RELL2: variants seen among roughly 807,000 people sequenced by gnomAD.
RELL2 encodes RELT-like protein 2.
RELL2 carries 18 observed loss-of-function variants against 27.5 expected under a neutral mutation model. The ratio of observed to expected loss-of-function variants is 0.65; its 90% CI spans 0.45 to 0.97. The LOEUF (loss-of-function observed/expected upper bound fraction) is 0.97. Among genes scored for constraint, RELL2 ranks in the 50% least tolerant of loss-of-function variants. The pLI is 0.00. For missense variants in RELL2, 370 were observed against 397.5 expected (o/e 0.93, Z 0.59); for synonymous variants, 156 against 147.5 (o/e 1.06, Z -0.42).
chr5:141,640,558 GCTATAAATCC>G (rs1447289234), intron 6 of RELL2, 103 bp from the exon 7 acceptor site: 12 of 1,572,538 alleles, frequency 7.6e-6, no homozygotes, highest in Non-Finnish European at 1.0e-5. Context: ...CTTAGCCTTT[GCTATAAATCC>G]CTTGGTTTGG....
At position 141,640,943 on chromosome 5, in the gene RELL2, C is replaced by A. The variant is rs1371681045; in HGVS notation, c.*274C>A. The A allele has an allele frequency of 3.9e-6, 2 of 511,500 alleles. No individual in the cohort carries two copies. Among genetic ancestry groups the A allele is most frequent in the Non-Finnish European group, 3.4e-6 (1 of 290,436 alleles). The allele number at this position is 511,500 out of a possible 1,614,324, so 31.7% of individuals were successfully genotyped here. On this transcript the variant is annotated 3_prime_UTR_variant, in exon 7 of 7. Coordinates refer to ENST00000297164, the MANE Select transcript of RELL2 (RefSeq NM_173828.5). ...GTGGCAGCTGGGAGCAGGCCCCTGC[C>A]CGTGGTGGGCCCCTAAAGCAATAGC...
In RELL2 at chr5:141,639,574, T is replaced by C. The variant is rs766056651; in HGVS notation, c.428T>C (p.Leu143Pro). The C allele has an allele frequency of 6.8e-6, 11 of 1,613,848 alleles. No homozygotes were observed. In the East Asian group the frequency reaches 2.2e-4, roughly 33 times the overall value. The stretch of plus-strand genomic sequence containing the variant: ...TGCAGCCGCAGCAAGAGGCCTCCAC[T>C]TGTCCGTCAGGGACGCTCCAAGGAA... Reference protein sequence around the residue: ...LHCSRSKRPPLVRQGRSKEGK... With the variant: ...LHCSRSKRPPPVRQGRSKEGK... Residue 143 changes from leucine to proline, a missense_variant, in exon 4 of 7, where the codon CTT (leucine) becomes CCT (proline). Physicochemically the swap from Leu to Pro is moderately conservative, Grantham distance 98. Coordinates refer to ENST00000297164, the MANE Select transcript of RELL2 (RefSeq NM_173828.5). This position sits in a 1 kb window ranked among gnomAD's most constrained non-coding sequence, Gnocchi z 4.4.
In RELL2 at chr5:141,639,455, G is replaced by A; in HGVS notation, c.318-9G>A. ...TGTTACCCTCACTCCCCTCCTCCCTGCTGTCCAGTGTGGATGCCACCTCCA... is the reference window on the plus strand; with the variant it reads ...TGTTACCCTCACTCCCCTCCTCCCTACTGTCCAGTGTGGATGCCACCTCCA... On this transcript the variant is annotated splice_polypyrimidine_tract_variant and intron_variant, in intron 3 of 6. Transcript: ENST00000297164. This position sits in a 1 kb window ranked among gnomAD's most constrained non-coding sequence, Gnocchi z 4.4. 6.2e-7 allele frequency: 1 copy of A among 1,600,792 alleles called. No homozygotes were observed. Among genetic ancestry groups the A allele is most frequent in the South Asian group, 1.1e-5 (1 of 90,456 alleles).
In RELL2 at chr5:141,638,079, G is replaced by A. The variant is rs1341370772; in HGVS notation, c.-147G>A. On this transcript the variant is annotated 5_prime_UTR_variant, in exon 1 of 7. Transcript: ENST00000297164. The stretch of plus-strand genomic sequence containing the variant: ...CTGGCCCGGACAGCTCCCTGGTTGG[G>A]TAGGGGGTGGGGCCGGACCTCAGCC... 9.9e-5 allele frequency: 63 copies of A among 637,492 alleles called. No individual in the cohort carries two copies. The East Asian group carries it at 1.6e-3, about 16-fold the overall frequency. 39.5% of individuals were successfully genotyped at this position (637,492 alleles called of 1,614,324 possible). A position where few individuals can be genotyped will look rare whatever the true frequency, so the allele number is the denominator to read the frequency against.
rs1477486373 is a variant in RELL2 at position 141,639,495 on chromosome 5, G to A, written c.349G>A (p.Ala117Thr). 2 of 1,613,664 alleles carry A rather than the reference G, an allele frequency of 1.2e-6. No homozygotes were observed. The highest frequency in any genetic ancestry group is 3.3e-5 in the Admixed American group (2 of 59,974). ...VDATSSLQDG[A>T]PSHHHTVHLG... ...TGCCACCTCCAGCCTGCAGGACGGA[G>A]CCCCCTCCCATCATCACACAGTGCA... Residue 117 changes from alanine (A) to threonine (T), a missense_variant, in exon 4 of 7, where the codon GCC becomes ACC. Coordinates refer to ENST00000297164, the MANE Select transcript of RELL2 (RefSeq NM_173828.5). The surrounding 1 kb of genome is among the most constrained non-coding windows in gnomAD (Gnocchi z 4.4).
rs2099906539 is a variant in RELL2, at chr5:141,639,147, T to C, written c.317+126T>C. 6 of 776,718 alleles carry C rather than the reference T, an allele frequency of 7.7e-6. No homozygotes were observed. The highest frequency in any genetic ancestry group is 2.8e-5 in the Admixed American group (1 of 35,336). 48.1% of individuals were successfully genotyped at this position (776,718 alleles called of 1,614,324 possible). On this transcript the variant is annotated intron_variant, in intron 3 of 6. Transcript: ENST00000297164. The surrounding 1 kb of genome is among the most constrained non-coding windows in gnomAD (Gnocchi z 4.4). ...GGGAAGGGCAAAGCTGGCTAACTTA[T>C]AGGAAGAAAGTTGTTTTGTAGAAAT...
chr5:141,637,083 G>T lies in RELL2; in HGVS notation c.-1143G>T, dbSNP rs1034234788. On this transcript the variant is annotated 5_prime_UTR_variant, in exon 1 of 7. The change creates a premature stop within an existing upstream ORF in the 5' untranslated region. Transcript: ENST00000297164. Reference sequence around the variant, plus strand: ...CTCCGGCCGGGGGTCAGATCCTCGGGAAGCCGAGCCATCCCATCCAGCCGC... The same window carrying T: ...CTCCGGCCGGGGGTCAGATCCTCGGTAAGCCGAGCCATCCCATCCAGCCGC... 3.1e-6 allele frequency: 1 copy of T among 319,376 alleles called. No individual in the cohort carries two copies. The highest frequency in any genetic ancestry group is 2.2e-5 in the African/African-American group (1 of 45,908). The allele number at this position is 319,376 out of a possible 1,614,324, so 19.8% of individuals were successfully genotyped here. A position where few individuals can be genotyped will look rare whatever the true frequency, so the allele number is the denominator to read the frequency against.
rs918572126 is a variant in RELL2, at chr5:141,638,060, C to G, written c.-166C>G. 6.6e-6 allele frequency: 4 copies of G among 609,860 alleles called. No homozygotes were observed. The highest frequency in any genetic ancestry group is 3.7e-5 in the African/African-American group (2 of 54,234). 37.8% of individuals were successfully genotyped at this position (609,860 alleles called of 1,614,324 possible). Reference sequence around the variant, plus strand: ...GAAAGGCGAAACAGCACTCCTGGCCCGGACAGCTCCCTGGTTGGGTAGGGG... The same window carrying G: ...GAAAGGCGAAACAGCACTCCTGGCCGGGACAGCTCCCTGGTTGGGTAGGGG... On this transcript the variant is annotated 5_prime_UTR_variant, in exon 1 of 7. Transcript: ENST00000297164.
In RELL2 at chr5:141,640,831, C is replaced by CA. The variant is rs1328051045; in HGVS notation, c.*163dup. On this transcript the variant is annotated 3_prime_UTR_variant, in exon 7 of 7. Coordinates refer to ENST00000297164, the MANE Select transcript of RELL2 (RefSeq NM_173828.5). ...TCAGGCTGGGGGCCTCAGGAGAGGT[C>CA]ACAGCCCCTCAGTCTCTTCTCCTTC... The CA allele has an allele frequency of 1.5e-6, 1 of 663,518 alleles. No homozygotes were observed. Among genetic ancestry groups the CA allele is most frequent in the East Asian group, 2.7e-5 (1 of 36,418 alleles). The allele number at this position is 663,518 out of a possible 1,614,324, so 41.1% of individuals were successfully genotyped here. A position where few individuals can be genotyped will look rare whatever the true frequency, so the allele number is the denominator to read the frequency against.
Position 141,638,385 on chromosome 5 carries a change from C to T in RELL2, c.160C>T (p.Pro54Ser), listed in dbSNP as rs781022213. The part of the protein sequence containing the change: ...YRCRTSRGSE[P>S]DDAQLQPPED... ...CTGCCGCACGTCGAGGGGCTCTGAG[C>T]CTGACGATGCCCAGCTTCAGCCCCG... The change falls in exon 1 of 7, where the codon CCT becomes TCT. Residue 54 changes from proline (P) to serine (S), a missense_variant. Transcript: ENST00000297164. 59 of 1,611,828 alleles carry T rather than the reference C, an allele frequency of 3.7e-5. No individual in the cohort carries two copies. The highest frequency in any genetic ancestry group is 5.0e-5 in the Non-Finnish European group (59 of 1,179,562).
chr5:141,640,482 C>G (rs758379983), intron 6 of RELL2, 37 bp downstream of exon 6: 1 of 1,613,884 alleles, frequency 6.2e-7, no homozygotes, highest in Non-Finnish European at 8.5e-7. Flanking sequence ...GTAATCTCAT[C>G]TTCCCATCAC....
rs1287064001 is a variant in RELL2 at position 141,638,566 on chromosome 5, T to G, written c.184+157T>G. 2.6e-5 allele frequency among the ~76,000 whole-genome samples: 4 copies of G among 152,146 alleles called. No homozygotes were observed. The East Asian group carries it at 7.7e-4, about 29-fold the overall frequency. On this transcript the variant is annotated intron_variant, in intron 1 of 6. Coordinates refer to ENST00000297164, the MANE Select transcript of RELL2 (RefSeq NM_173828.5). ...GTTAGCAAGTGGGGTGACACCACTCTGAAAGCAAAACTAGAGAAAGCAGCA... is the reference window on the plus strand; with the variant it reads ...GTTAGCAAGTGGGGTGACACCACTCGGAAAGCAAAACTAGAGAAAGCAGCA...
intron 5 of RELL2, 36 bp from the exon 6 acceptor site, chr5:141,640,376 T>A: frequency 1.2e-6 from 2 of 1,614,154 alleles, no homozygotes; most frequent in South Asian, 2.2e-5. Flanking sequence ...GACCTACTCC[T>A]GGTCTCTCAT....
At position 141,640,298 on chromosome 5, in the gene RELL2, A is replaced by G. The variant is rs1277694297; in HGVS notation, c.879+3A>G. 6.2e-7 allele frequency: 1 copy of G among 1,613,790 alleles called. No homozygotes were observed. On this transcript the variant is annotated splice_donor_region_variant and intron_variant, in intron 5 of 6. Coordinates refer to ENST00000297164, the MANE Select transcript of RELL2 (RefSeq NM_173828.5). ...AACCAGACACTTCTGATCACCAGGTAGGAAAACACAGCCGGGACTGCACTG... is the reference window on the plus strand; with the variant it reads ...AACCAGACACTTCTGATCACCAGGTGGGAAAACACAGCCGGGACTGCACTG...
At chr5:141,640,542 T>C (rs2099906737) in intron 6 of RELL2, 97 bp downstream of exon 6, 1 of 1,593,056 alleles carries the variant, frequency 6.3e-7, no homozygotes, top group Non-Finnish European at 8.6e-7. Flanking sequence ...CCGAGTAAAC[T>C]GCAGGCTTAG....
Position 141,639,464 on chromosome 5 carries a change from T to G in RELL2, c.318T>G (p.Ser106Arg). 6.2e-7 allele frequency: 1 copy of G among 1,609,598 alleles called. No individual in the cohort carries two copies. Among genetic ancestry groups the G allele is most frequent in the Non-Finnish European group, 8.5e-7 (1 of 1,176,950 alleles). ...SEGEGTVQLS[S>R]VDATSSLQDG... The stretch of plus-strand genomic sequence containing the variant: ...CACTCCCCTCCTCCCTGCTGTCCAG[T>G]GTGGATGCCACCTCCAGCCTGCAGG... Residue 106 changes from serine (S) to arginine (R), a missense_variant and splice_region_variant, in exon 4 of 7, where the codon AGT (serine) becomes AGG (arginine). Physicochemically the swap from Ser to Arg is moderately radical, Grantham distance 110 (BLOSUM62 -1). Coordinates refer to ENST00000297164, the MANE Select transcript of RELL2 (RefSeq NM_173828.5). The surrounding 1 kb of genome is among the most constrained non-coding windows in gnomAD (Gnocchi z 4.4).
At position 141,637,741 on chromosome 5, in the gene RELL2, G is replaced by T. The variant is rs2099906271; in HGVS notation, c.-485G>T. 1 of 154,182 alleles carries T rather than the reference G, an allele frequency of 6.5e-6. No individual in the cohort carries two copies. Among genetic ancestry groups the T allele is most frequent in the Admixed American group, 6.4e-5 (1 of 15,518 alleles). The allele number at this position is 154,182 out of a possible 1,614,324, so 9.6% of individuals were successfully genotyped here. ...AAGCCGGAACCAGAACCAAATCACC[G>T]GTACCGGGTCGGCCAGGTGGTCAGG... On this transcript the variant is annotated 5_prime_UTR_variant, in exon 1 of 7. Coordinates refer to ENST00000297164, the MANE Select transcript of RELL2 (RefSeq NM_173828.5).
intron 2 of RELL2, 27 bp from the exon 3 acceptor site, chr5:141,638,928 G>A (rs1477780064): frequency 6.2e-7 from 1 of 1,613,602 alleles, no homozygotes; most frequent in Non-Finnish European, 8.5e-7. Flanking sequence ...CACCTCCACT[G>A]ACTCCCTCTT....
At position 141,638,150 on chromosome 5, in the gene RELL2, T is replaced by C. The variant is rs2099906354; in HGVS notation, c.-76T>C. 4.4e-6 allele frequency: 4 copies of C among 911,050 alleles called. No individual in the cohort carries two copies. The Admixed American group carries it at 6.3e-5, about 14-fold the overall frequency. 56.4% of individuals were successfully genotyped at this position (911,050 alleles called of 1,614,324 possible). On this transcript the variant is annotated 5_prime_UTR_variant, in exon 1 of 7. Coordinates refer to ENST00000297164, the MANE Select transcript of RELL2 (RefSeq NM_173828.5). ...TTTCAGATCCTGAGGACGGCATTCC[T>C]ACCCCTCCCCCATTCCCAGCTGCAG...
Sources: gnomAD v4.1 joint callset for allele counts (sites outside exome capture counted in the v4.1 genomes callset) on GRCh38, gnomAD v4.1.1 for gene constraint, Gnocchi (gnomAD v3.1) non-coding constraint, MANE v1.5 for transcripts, NCBI Gene and HGNC (gene_info 2026-07-23, HGNC 2026-07-21) for gene names.